HPSE2: variants seen among roughly 807,000 people sequenced by gnomAD.
The protein encoded by HPSE2 is heparanase 2 (inactive).
HPSE2 carries 38 observed loss-of-function variants against 60.5 expected under a neutral mutation model. The ratio of observed to expected loss-of-function variants is 0.63; its 90% CI spans 0.48 to 0.82. The LOEUF is 0.82. Ranked by LOEUF, HPSE2 falls within the 40% of genes least tolerant of loss-of-function variation. The pLI is 0.00. For missense variants in HPSE2, 713 were observed against 740.4 expected, an observed-to-expected ratio of 0.96 and a Z score of 0.43; for synonymous variants, 295 against 293.2, an observed-to-expected ratio of 1.01 and a Z score of -0.06.
Position 98,719,249 on chromosome 10 carries a change from T to C in HPSE2, c.956+2408A>G, listed in dbSNP as rs184698920. On this transcript the variant is annotated intron_variant, in intron 5 of 11. Coordinates refer to ENST00000370552, the MANE Select transcript of HPSE2 (RefSeq NM_021828.5). The stretch of plus-strand genomic sequence containing the variant: ...ATAACACACTTACTATGTTCCTAGA[T>C]TCTGAAGATATAGAATGAATAAAAC... 1.4e-3 allele frequency among the ~76,000 whole-genome samples: 207 copies of C among 152,248 alleles called. 2 individuals carry two copies. Among genetic ancestry groups the C allele is most frequent in the African/African-American group, 4.7e-3 (196 of 41,556 alleles).
chr10:98,720,076 C>T (rs1948885968), intron 5 of HPSE2, among the ~76,000 whole-genome samples: 1 of 151,264 alleles, frequency 6.6e-6, no homozygotes, highest in Admixed American at 6.6e-5. Context: ...TAGCTAGATA[C>T]CAAGAAATCA....
intron 9 of HPSE2, among the ~76,000 whole-genome samples, chr10:98,532,439 C>T (rs551753247): frequency 3.9e-5 from 6 of 152,242 alleles, no homozygotes; most frequent in Non-Finnish European, 7.3e-5. Context: ...CCTTAAGCAC[C>T]CTTTGCCTCA....
intron 3 of HPSE2, among the ~76,000 whole-genome samples, chr10:98,831,920 C>T (rs534961897): frequency 2.0e-5 from 3 of 152,254 alleles, no homozygotes; most frequent in South Asian, 2.1e-4. Context: ...TTTTGACAGG[C>T]GAGTCCAATC....
chr10:98,571,377 A>G (rs528551107), intron 9 of HPSE2, among the ~76,000 whole-genome samples: 12 of 152,264 alleles, frequency 7.9e-5, no homozygotes, highest in African/African-American at 2.9e-4. Flanking sequence ...TTAAAAAATC[A>G]TGGGGGATCA....
intron 2 of HPSE2, among the ~76,000 whole-genome samples, chr10:99,159,092 T>C (rs1393270980): frequency 6.6e-6 from 1 of 151,918 alleles, no homozygotes; most frequent in Non-Finnish European, 1.5e-5. Flanking sequence ...ATAATCTAAG[T>C]TCGCACTTAC....
At chr10:98,982,142 G>A (rs564352218) in intron 3 of HPSE2, among the ~76,000 whole-genome samples, 10 of 151,628 alleles carry the variant, frequency 6.6e-5, no homozygotes, top group Non-Finnish European at 1.5e-4. Context: ...AGAAATTCAG[G>A]TAAAGATATA....
chr10:99,127,371 C>T (rs112631685), intron 3 of HPSE2, among the ~76,000 whole-genome samples: 2,516 of 152,150 alleles, frequency 0.017, 64 homozygotes, highest in African/African-American at 0.057. Context: ...TTTCAACAAT[C>T]GACTAGAACA....
chr10:99,210,411 C>T (rs915391296), intron 2 of HPSE2, among the ~76,000 whole-genome samples: 1 of 152,204 alleles, frequency 6.6e-6, no homozygotes, highest in African/African-American at 2.4e-5. Context: ...TACTTCCAAA[C>T]TCATTTTATG....
intron 9 of HPSE2, among the ~76,000 whole-genome samples, chr10:98,591,496 C>T (rs960532007): frequency 2.6e-5 from 4 of 152,154 alleles, no homozygotes; most frequent in Admixed American, 2.6e-4. Context: ...AGCCCTGTCT[C>T]TATTAAAAAT....
chr10:98,789,133 G>A (rs142340047), intron 3 of HPSE2, among the ~76,000 whole-genome samples: 9 of 152,250 alleles, frequency 5.9e-5, no homozygotes, highest in East Asian at 5.8e-4. Context: ...GTTACAGCCC[G>A]GTGATACAGG....
intron 3 of HPSE2, among the ~76,000 whole-genome samples, chr10:99,132,438 G>C (rs1015303409): frequency 2.0e-5 from 3 of 152,076 alleles, no homozygotes; most frequent in African/African-American, 7.2e-5. Context: ...GAGGCTGAAT[G>C]GGGGATTGCT....
At chr10:98,565,603 T>A (rs1435873742) in intron 9 of HPSE2, among the ~76,000 whole-genome samples, 1 of 152,196 alleles carries the variant, frequency 6.6e-6, no homozygotes, top group Non-Finnish European at 1.5e-5. Flanking sequence ...TGATGCCATG[T>A]CTTTGTTATT....
chr10:98,958,482 T>A (rs923906440), intron 3 of HPSE2, among the ~76,000 whole-genome samples: 1 of 152,110 alleles, frequency 6.6e-6, no homozygotes, highest in Non-Finnish European at 1.5e-5. Flanking sequence ...ATGCATGCTA[T>A]CTATTATTGA....
chr10:98,938,574 A>G (rs1954884034), intron 3 of HPSE2, among the ~76,000 whole-genome samples: 1 of 144,032 alleles, frequency 6.9e-6, no homozygotes, highest in Admixed American at 6.9e-5. Flanking sequence ...TCCAAGTAAT[A>G]TGGGACTATG....
At chr10:99,041,297 A>G (rs1957734305) in intron 3 of HPSE2, among the ~76,000 whole-genome samples, 12 of 152,090 alleles carry the variant, frequency 7.9e-5, no homozygotes, top group Admixed American at 6.5e-4. Flanking sequence ...AAAGGATGCA[A>G]CAGCAACCCA....
intron 4 of HPSE2, among the ~76,000 whole-genome samples, chr10:98,724,099 T>C (rs1041215327): frequency 1.3e-5 from 2 of 152,166 alleles, no homozygotes; most frequent in Non-Finnish European, 2.9e-5. Flanking sequence ...CTTGTGGGCA[T>C]TTAGTGCTAT....
chr10:98,726,422 G>A (rs2134268474), intron 4 of HPSE2, among the ~76,000 whole-genome samples: 1 of 149,488 alleles, frequency 6.7e-6, no homozygotes, highest in East Asian at 2.0e-4. Flanking sequence ...ACTCACAGGT[G>A]GGAACTGAAC....
chr10:99,023,744 G>T (rs1957316594), intron 3 of HPSE2, among the ~76,000 whole-genome samples: 1 of 152,186 alleles, frequency 6.6e-6, no homozygotes, highest in South Asian at 2.1e-4. Context: ...GACCATGAAG[G>T]CAGTTCCTCT....
Position 98,600,880 on chromosome 10 carries a change from TATACATATATAC to T in HPSE2, c.1320+14012_1320+14023del, listed in dbSNP as rs1565002735. Among the ~76,000 whole-genome samples the T allele has an allele frequency of 2.1e-3, 284 of 136,532 alleles. 2 individuals carry two copies. The highest frequency in any genetic ancestry group is 7.5e-3 in the African/African-American group (277 of 36,908). The allele number at this position is 136,532 out of a possible 152,430, so 89.6% of individuals were successfully genotyped here. Reference sequence around the variant, plus strand: ...TTATATATATACGTATATATGTATATATACATATATACGTATATATATGTGTGTGTGTATATA... The same window carrying T: ...TTATATATATACGTATATATGTATATGTATATATATGTGTGTGTGTATATA... On this transcript the variant is annotated intron_variant, in intron 9 of 11. Transcript: ENST00000370552.
Sources: allele counts gnomAD v4.1 joint callset (sites outside exome capture counted in the v4.1 genomes callset), GRCh38; gene constraint gnomAD v4.1.1; transcripts MANE v1.5; gene names NCBI Gene and HGNC (gene_info 2026-07-23, HGNC 2026-07-21).